Variants in ADD2 observed in about 807,000 individuals in gnomAD.
ADD2 encodes the protein adducin 2.
Under a neutral mutation model 83.0 loss-of-function variants are expected in ADD2, and 23 were observed. The ratio of observed to expected loss-of-function variants is 0.28; its 90% CI spans 0.20 to 0.39. The LOEUF is 0.39. ADD2 is among the 10% of genes least tolerant of loss of function. The pLI is 1.00. For missense variants in ADD2, 758 were observed against 944.9 expected (o/e 0.80, Z 2.59); for synonymous variants, 375 against 375.4 (o/e 1.00, Z 0.01).
Position 70,677,851 on chromosome 2 carries a change from T to C in ADD2, c.1410A>G (p.Lys470=), listed in dbSNP as rs1226655790. The change falls in exon 12 of 16, where the codon AAA becomes AAG. Residue 470 remains lysine, a synonymous_variant. Coordinates refer to ENST00000264436, the MANE Select transcript of ADD2 (RefSeq NM_001617.4). ...TGCGAATCGGCATGCCACTGCTGGA[T>C]TTCTCCACCTCGTCAGCCTTCATCC... The part of the protein sequence containing the change: ...TTWMKADEVE[K]SSSGMPIRIE... 1.2e-6 allele frequency: 2 copies of C among 1,614,100 alleles called. No homozygotes were observed. Among genetic ancestry groups the C allele is most frequent in the Non-Finnish European group, 1.7e-6 (2 of 1,180,048 alleles).
At chr2:70,760,031 G>A (rs370113518) in intron 1 of ADD2, among the ~76,000 whole-genome samples, 1 of 152,132 alleles carries the variant, frequency 6.6e-6, no homozygotes. Flanking sequence ...TCATGGGCTG[G>A]GTGATATTGG....
chr2:70,702,214 T>A (rs1265722212), intron 4 of ADD2, among the ~76,000 whole-genome samples: 2 of 152,244 alleles, frequency 1.3e-5, no homozygotes, highest in Non-Finnish European at 2.9e-5. Context: ...TCACTCAGAC[T>A]GGAGTGCAGT....
intron 1 of ADD2, among the ~76,000 whole-genome samples, chr2:70,765,681 C>T (rs74326106): frequency 0.13 from 20,266 of 152,182 alleles, 1,592 homozygotes; most frequent in Middle Eastern, 0.27. Context: ...GCCATGGGTT[C>T]GTCAATTTCT....
At chr2:70,732,037 C>T (rs1673308854) in intron 1 of ADD2, among the ~76,000 whole-genome samples, 1 of 152,172 alleles carries the variant, frequency 6.6e-6, no homozygotes, top group Non-Finnish European at 1.5e-5. Flanking sequence ...GGACCTGATG[C>T]CCCAAGGTAA....
chr2:70,744,285 T>G (rs782750779), intron 1 of ADD2, among the ~76,000 whole-genome samples: 18 of 152,242 alleles, frequency 1.2e-4, no homozygotes, highest in Non-Finnish European at 2.5e-4. Flanking sequence ...CCAAAAATTG[T>G]ATTGGGCAAT....
At chr2:70,745,207 A>C (rs1553381794) in intron 1 of ADD2, among the ~76,000 whole-genome samples, 1 of 151,962 alleles carries the variant, frequency 6.6e-6, no homozygotes, top group Admixed American at 6.6e-5. Context: ...AATGGTGTGA[A>C]CCCGGAGGGC....
chr2:70,685,909 G>A (rs868935831), intron 9 of ADD2, among the ~76,000 whole-genome samples: 1 of 152,240 alleles, frequency 6.6e-6, no homozygotes, highest in Non-Finnish European at 1.5e-5. Flanking sequence ...CGGCAGAGCA[G>A]GGAGCTGCCT....
intron 1 of ADD2, among the ~76,000 whole-genome samples, chr2:70,730,220 C>A (rs1193147873): frequency 2.0e-5 from 3 of 152,152 alleles, no homozygotes; most frequent in African/African-American, 7.2e-5. Flanking sequence ...CAGCCCTTCC[C>A]CCAGTGTGAA....
At chr2:70,687,638 AC>A (rs1670808159) in intron 9 of ADD2, among the ~76,000 whole-genome samples, 1 of 151,682 alleles carries the variant, frequency 6.6e-6, no homozygotes, top group African/African-American at 2.4e-5. Context: ...ACAAACACCT[AC>A]CTGTGTGTCT....
In ADD2 at chr2:70,704,453, T is replaced by A. The variant is rs2104379642; in HGVS notation, c.190A>T (p.Arg64Trp). ...VTMILQSPSFREELEGLIQEQ... is the reference protein window; with the variant it reads ...VTMILQSPSFWEELEGLIQEQ... Reference sequence around the variant, plus strand: ...TGGATGAGGCCTTCCAGCTCCTCCCTGAAAGACTGAAGCAGGCCCCGAGGT... The same window carrying A: ...TGGATGAGGCCTTCCAGCTCCTCCCAGAAAGACTGAAGCAGGCCCCGAGGT... Residue 64 changes from arginine (R) to tryptophan (W), a missense_variant, in exon 4 of 16, where the codon AGG becomes TGG. Physicochemically the swap from Arg to Trp is moderately radical, Grantham distance 101. Transcript: ENST00000264436. 1.2e-6 allele frequency: 2 copies of A among 1,614,108 alleles called. No homozygotes were observed. The highest frequency in any genetic ancestry group is 1.3e-5 in the African/African-American group (1 of 75,036).
chr2:70,665,758 C>T (rs1423794287), intron 15 of ADD2, among the ~76,000 whole-genome samples: 1 of 152,054 alleles, frequency 6.6e-6, no homozygotes, highest in African/African-American at 2.4e-5. Flanking sequence ...TCCTTCCTTT[C>T]TGCCTCTGCT....
At chr2:70,673,252 TC>T (rs1308676993) in intron 14 of ADD2, 2 of 1,614,000 alleles carry the variant, frequency 1.2e-6, no homozygotes, top group Non-Finnish European at 1.7e-6. Flanking sequence ...AATATGTTAC[TC>T]CAGATGTGGA....
At chr2:70,756,389 C>T (rs991481240) in intron 1 of ADD2, among the ~76,000 whole-genome samples, 1 of 152,138 alleles carries the variant, frequency 6.6e-6, no homozygotes, top group African/African-American at 2.4e-5. Context: ...GGGTCACTTA[C>T]GGAGCCCCAG....
intron 8 of ADD2, 102 bp downstream of exon 8, chr2:70,690,684 C>T: frequency 2.2e-6 from 3 of 1,353,120 alleles, no homozygotes; most frequent in Non-Finnish European, 3.0e-6. Context: ...TTTTTTCCCC[C>T]CTCTCTCCCT....
rs566302204 is a variant in ADD2 at position 70,687,361 on chromosome 2, T to G, written c.948+663A>C. The G allele has an allele frequency of 2.0e-4, 30 of 152,646 alleles. 1 individual carries two copies. The South Asian group carries it at 5.6e-3, about 28-fold the overall frequency. 9.5% of individuals were successfully genotyped at this position (152,646 alleles called of 1,614,324 possible). On this transcript the variant is annotated intron_variant, in intron 9 of 15. Coordinates refer to ENST00000264436, the MANE Select transcript of ADD2 (RefSeq NM_001617.4). ...CCTTGTTGTCTATACAACTACAGGTTTGTCTGTTTTCCTACTGCTTCTCCA... is the reference window on the plus strand; with the variant it reads ...CCTTGTTGTCTATACAACTACAGGTGTGTCTGTTTTCCTACTGCTTCTCCA...
intron 15 of ADD2, among the ~76,000 whole-genome samples, chr2:70,670,176 T>C (rs1669841395): frequency 6.6e-6 from 1 of 152,232 alleles, no homozygotes; most frequent in East Asian, 1.9e-4. Flanking sequence ...ACTTAGTGGC[T>C]TAAAACATCA....
chr2:70,751,917 G>A (rs1674523042), intron 1 of ADD2, among the ~76,000 whole-genome samples: 1 of 152,184 alleles, frequency 6.6e-6, no homozygotes, highest in African/African-American at 2.4e-5. Flanking sequence ...AAAATGCAAG[G>A]ATATGATGGG....
At position 70,706,563 on chromosome 2, in the gene ADD2, G is replaced by T; in HGVS notation, c.-34-121C>A. 1 of 923,624 alleles carries T rather than the reference G, an allele frequency of 1.1e-6. No homozygotes were observed. The highest frequency in any genetic ancestry group is 1.6e-6 in the Non-Finnish European group (1 of 641,336). The allele number at this position is 923,624 out of a possible 1,614,324, so 57.2% of individuals were successfully genotyped here. ...GTGGGGTACGGCTGTTCCTAGGATGGTAGAGGCAGAGCCTGGGGAGGAGGG... is the reference window on the plus strand; with the variant it reads ...GTGGGGTACGGCTGTTCCTAGGATGTTAGAGGCAGAGCCTGGGGAGGAGGG... On this transcript the variant is annotated intron_variant, in intron 2 of 15. Coordinates refer to ENST00000264436, the MANE Select transcript of ADD2 (RefSeq NM_001617.4). This position sits in a 1 kb window ranked among gnomAD's most constrained non-coding sequence, Gnocchi z 5.0.
chr2:70,738,142 A>G (rs1673684180), intron 1 of ADD2, among the ~76,000 whole-genome samples: 1 of 152,210 alleles, frequency 6.6e-6, no homozygotes, highest in African/African-American at 2.4e-5. Context: ...ATATCTATAA[A>G]CAAAACAAAA....
Sources: allele counts gnomAD v4.1 joint callset (sites outside exome capture counted in the v4.1 genomes callset), GRCh38; gene constraint gnomAD v4.1.1; non-coding constraint Gnocchi (gnomAD v3.1); transcripts MANE v1.5; gene names NCBI Gene and HGNC (gene_info 2026-07-23, HGNC 2026-07-21).